ZFYVE28: variants seen among roughly 807,000 people sequenced by gnomAD.
The protein encoded by ZFYVE28 is zinc finger FYVE-type containing 28, also known as lateral signaling target protein 2 homolog.
Under a neutral mutation model 82.1 loss-of-function variants are expected in ZFYVE28, and 40 were observed. That is an observed-to-expected ratio of 0.49 (90% CI 0.38 to 0.63). The LOEUF is 0.63. ZFYVE28 is among the 30% of genes least tolerant of loss of function. The pLI is 0.00. For missense variants in ZFYVE28, 1,321 were observed against 1,242.1 expected (o/e 1.06, Z -0.96); for synonymous variants, 612 against 546.1 (o/e 1.12, Z -1.68).
In ZFYVE28 at chr4:2,418,468, C is replaced by G. The variant is rs1308974779; in HGVS notation, c.-145G>C. On this transcript the variant is annotated 5_prime_UTR_variant, in exon 1 of 13. Coordinates refer to ENST00000290974, the MANE Select transcript of ZFYVE28 (RefSeq NM_020972.3). This position sits in a 1 kb window ranked among gnomAD's most constrained non-coding sequence, Gnocchi z 4.6. Reference sequence around the variant, plus strand: ...GGAGGCTGGCTAGCGAAGCCCGGAGCGCCGAGCGGGCGGCGGGCAGGTGCG... The same window carrying G: ...GGAGGCTGGCTAGCGAAGCCCGGAGGGCCGAGCGGGCGGCGGGCAGGTGCG... The G allele has an allele frequency of 5.3e-6, 3 of 568,578 alleles. No individual in the cohort carries two copies. The highest frequency in any genetic ancestry group is 4.5e-6 in the Non-Finnish European group (2 of 441,760). The allele number at this position is 568,578 out of a possible 1,614,324, so 35.2% of individuals were successfully genotyped here. A position where few individuals can be genotyped will look rare whatever the true frequency, so the allele number is the denominator to read the frequency against.
Position 2,341,489 on chromosome 4 carries a change from A to G in ZFYVE28, c.307T>C (p.Phe103Leu). 1.9e-6 allele frequency: 3 copies of G among 1,612,886 alleles called. No individual in the cohort carries two copies. The highest frequency in any genetic ancestry group is 2.5e-6 in the Non-Finnish European group (3 of 1,179,646). ...RHDNLAGQLW[F>L]GAECLAAGSI... is the part of the protein sequence containing the mutation. Reference sequence around the variant, plus strand: ...TGGCCACCCGCTACCTCGGCACCGAACCACAGCTGGCCGGCCAGGTTGTCG... The same window carrying G: ...TGGCCACCCGCTACCTCGGCACCGAGCCACAGCTGGCCGGCCAGGTTGTCG... Residue 103 changes from phenylalanine (F) to leucine (L), a missense_variant, in exon 3 of 13, where the codon TTC (phenylalanine) becomes CTC (leucine). By Grantham distance (22) the Phe-to-Leu change is conservative. Transcript: ENST00000290974. The surrounding 1 kb of genome is among the most constrained non-coding windows in gnomAD (Gnocchi z 4.5).
intron 1 of ZFYVE28, chr4:2,364,559 T>C (rs1726607348): frequency 6.1e-6 from 6 of 985,556 alleles, no homozygotes; most frequent in Non-Finnish European, 7.2e-6. Context: ...GGGAAGGGAA[T>C]TTAGACGGTC....
At chr4:2,344,347 T>C (rs1723213183) in intron 2 of ZFYVE28, among the ~76,000 whole-genome samples, 1 of 152,180 alleles carries the variant, frequency 6.6e-6, no homozygotes, top group South Asian at 2.1e-4. Flanking sequence ...TCCAGGAGGC[T>C]AGAGTAGCAG....
At chr4:2,346,235 G>A (rs994882708) in intron 2 of ZFYVE28, among the ~76,000 whole-genome samples, 1 of 150,424 alleles carries the variant, frequency 6.6e-6, no homozygotes, top group African/African-American at 2.5e-5. Context: ...CCAGCTACGT[G>A]GGGGGCTGAG....
chr4:2,274,793 G>A (rs983528727), intron 8 of ZFYVE28, among the ~76,000 whole-genome samples: 7 of 151,066 alleles, frequency 4.6e-5, no homozygotes, highest in East Asian at 1.9e-4. Flanking sequence ...CAGAGGGCAG[G>A]AGAGCCCATG....
intron 1 of ZFYVE28, among the ~76,000 whole-genome samples, chr4:2,412,633 G>T (rs754958010): frequency 1.4e-4 from 22 of 152,086 alleles, no homozygotes; most frequent in African/African-American, 4.6e-4. Flanking sequence ...CTTCAAATTG[G>T]AATCAGCTCA....
intron 1 of ZFYVE28, among the ~76,000 whole-genome samples, chr4:2,402,145 T>C (rs922222684): frequency 4.6e-5 from 7 of 152,196 alleles, no homozygotes; most frequent in African/African-American, 7.2e-5. Context: ...GGGTCCCCAG[T>C]GAGCATGGAG....
At chr4:2,411,701 T>C (rs1732536583) in intron 1 of ZFYVE28, among the ~76,000 whole-genome samples, 1 of 152,190 alleles carries the variant, frequency 6.6e-6, no homozygotes, top group South Asian at 2.1e-4. Flanking sequence ...GAGACCCCAT[T>C]TGTAAAACAG....
intron 6 of ZFYVE28, among the ~76,000 whole-genome samples, chr4:2,327,906 A>G (rs571037994): frequency 2.1e-4 from 32 of 152,370 alleles, no homozygotes; most frequent in Non-Finnish European, 4.0e-4. Context: ...AAGATGAAAG[A>G]TAAGTGTTAC....
chr4:2,368,387 G>A (rs796357921), intron 1 of ZFYVE28, among the ~76,000 whole-genome samples: 4 of 148,098 alleles, frequency 2.7e-5, no homozygotes, highest in African/African-American at 7.4e-5. Context: ...GGGTGACAGC[G>A]TGAGACCCTG....
chr4:2,413,395 G>C (rs59519586), intron 1 of ZFYVE28, among the ~76,000 whole-genome samples: 1 of 152,204 alleles, frequency 6.6e-6, no homozygotes, highest in African/African-American at 2.4e-5. Context: ...CAGAGCCGCC[G>C]GGGGAGCCCC....
Position 2,304,189 on chromosome 4 carries a change from T to C in ZFYVE28, c.2051+100A>G, listed in dbSNP as rs149441533. On this transcript the variant is annotated intron_variant, in intron 8 of 12. Coordinates refer to ENST00000290974, the MANE Select transcript of ZFYVE28 (RefSeq NM_020972.3). The stretch of plus-strand genomic sequence containing the variant: ...GCCCAGCACCTGCCGGTGGCCAAGA[T>C]GGCTCAGGTAGAAACACTGCAATGC... The C allele has an allele frequency of 8.3e-4, 1,201 of 1,441,144 alleles. 10 individuals are homozygous for C. In the African/African-American group the frequency reaches 0.016, roughly 19 times the overall value. 89.3% of individuals were successfully genotyped at this position (1,441,144 alleles called of 1,614,324 possible). A position where few individuals can be genotyped will look rare whatever the true frequency, so the allele number is the denominator to read the frequency against.
At chr4:2,377,449 G>A (rs116058327) in intron 1 of ZFYVE28, among the ~76,000 whole-genome samples, 1,967 of 152,190 alleles carry the variant, frequency 0.013, 26 homozygotes, top group Admixed American at 0.019. Flanking sequence ...TCTTTCCTCC[G>A]AGTTCCCTTT....
chr4:2,335,885 C>G lies in ZFYVE28; in HGVS notation c.612-91G>C. 1 of 1,096,596 alleles carries G rather than the reference C, an allele frequency of 9.1e-7. No individual in the cohort carries two copies. The allele number at this position is 1,096,596 out of a possible 1,614,324, so 67.9% of individuals were successfully genotyped here. A position where few individuals can be genotyped will look rare whatever the true frequency, so the allele number is the denominator to read the frequency against. On this transcript the variant is annotated intron_variant, in intron 5 of 12. Transcript: ENST00000290974. The surrounding 1 kb of genome is among the most constrained non-coding windows in gnomAD (Gnocchi z 5.8). ...AGCAGGGACAGGCAGTGCGCTCAAT[C>G]TGTACCTGCAGCCACGCGTGGTGGC...
rs768513004 is a variant in ZFYVE28 at position 2,335,685 on chromosome 4, T to G, written c.701+20A>C. 1.9e-6 allele frequency: 3 copies of G among 1,562,004 alleles called. No individual in the cohort carries two copies. The highest frequency in any genetic ancestry group is 1.7e-6 in the Non-Finnish European group (2 of 1,152,876). ...GTCCCGCAGGTTTCTGCAGAGGTCC[T>G]GGGCACAGGAGGCACTCACCACACG... On this transcript the variant is annotated intron_variant, in intron 6 of 12. Coordinates refer to ENST00000290974, the MANE Select transcript of ZFYVE28 (RefSeq NM_020972.3). The surrounding 1 kb of genome is among the most constrained non-coding windows in gnomAD (Gnocchi z 5.8).
In ZFYVE28 at chr4:2,305,658, T is replaced by C. The variant is rs1333908979; in HGVS notation, c.804-122A>G. 4.2e-6 allele frequency: 5 copies of C among 1,202,106 alleles called. No homozygotes were observed. The South Asian group carries it at 4.5e-5, about 11-fold the overall frequency. 74.5% of individuals were successfully genotyped at this position (1,202,106 alleles called of 1,614,324 possible). Reference sequence around the variant, plus strand: ...AGAACAACAGCCAGGCACTGAATGCTTGCAACTGAATTCTCAAGGCACCAG... The same window carrying C: ...AGAACAACAGCCAGGCACTGAATGCCTGCAACTGAATTCTCAAGGCACCAG... On this transcript the variant is annotated intron_variant, in intron 7 of 12. Coordinates refer to ENST00000290974, the MANE Select transcript of ZFYVE28 (RefSeq NM_020972.3).
At chr4:2,324,334 T>G (rs1186085961) in intron 6 of ZFYVE28, 1 of 152,252 alleles carries the variant, frequency 6.6e-6, no homozygotes, top group East Asian at 1.9e-4. Context: ...ATTTAAATGC[T>G]AATCTCATCT....
At chr4:2,352,500 G>A (rs184146349) in intron 2 of ZFYVE28, among the ~76,000 whole-genome samples, 15 of 151,664 alleles carry the variant, frequency 9.9e-5, no homozygotes, top group East Asian at 1.9e-4. Context: ...GCCCTGGAGC[G>A]GAGTGGACAG....
intron 7 of ZFYVE28, chr4:2,306,827 T>C (rs934125997): frequency 5.3e-5 from 8 of 152,266 alleles, no homozygotes; most frequent in African/African-American, 9.6e-5. Context: ...TCATTCATTC[T>C]TGTGGCTGCA....
Sources: allele counts gnomAD v4.1 joint callset (sites outside exome capture counted in the v4.1 genomes callset), GRCh38; gene constraint gnomAD v4.1.1; non-coding constraint Gnocchi (gnomAD v3.1); transcripts MANE v1.5; gene names NCBI Gene and HGNC (gene_info 2026-07-23, HGNC 2026-07-21).